MCM4: variants seen among roughly 807,000 people sequenced by gnomAD.
MCM4 encodes DNA replication licensing factor MCM4.
In MCM4, 60 loss-of-function variants were observed where a neutral mutation model predicts 88.7. The observed-to-expected ratio is 0.68, with a 90% confidence interval of 0.55 to 0.84. The LOEUF (loss-of-function observed/expected upper bound fraction) is 0.84, where lower values mean the gene tolerates loss of function less well. Among genes scored for constraint, MCM4 ranks in the 40% least tolerant of loss-of-function variants. MCM4 has a pLI of 0.00. For missense variants in MCM4, 1,149 were observed against 1,105.5 expected (o/e 1.04, Z -0.56); for synonymous variants, 465 against 410.5 (o/e 1.13, Z -1.61).
At chr8:47,962,659 T>C (rs2090855461) in intron 5 of MCM4, 105 bp from the exon 6 acceptor site, 1 of 754,898 alleles carries the variant, frequency 1.3e-6, no homozygotes, top group Non-Finnish European at 2.3e-6. Flanking sequence ...AAAATATTAT[T>C]TATTTCTGTC....
chr8:47,961,259 C>T (rs892045901), intron 2 of MCM4, 45 bp downstream of exon 2: 2 of 1,442,916 alleles, frequency 1.4e-6, no homozygotes, highest in Non-Finnish European at 1.8e-6. Context: ...GGCGCCGCCC[C>T]GTCTGCCCTC....
chr8:47,961,849 GT>G, intron 3 of MCM4, 169 bp downstream of exon 3: 1 of 999,466 alleles, frequency 1.0e-6, no homozygotes, highest in Non-Finnish European at 1.4e-6. Flanking sequence ...GAAAATAGTA[GT>G]TTTAGGGCTT....
chr8:47,961,607 G>C lies in MCM4; in HGVS notation c.162G>C (p.Ser54=), dbSNP rs760332992. 2 of 1,614,160 alleles carry C rather than the reference G, an allele frequency of 1.2e-6. No individual in the cohort carries two copies. Among genetic ancestry groups the C allele is most frequent in the Middle Eastern group, 1.7e-4 (1 of 6,056 alleles). The change falls in exon 3 of 17, where the codon TCG becomes TCC. Residue 54 remains serine, a synonymous_variant. Transcript: ENST00000649973. ...STGELQPMPT[S]PGVDLQSPAA... ...GGGAGTTGCAGCCGATGCCAACCTCGCCTGGAGTGGACCTGCAGAGCCCTG... is the reference window on the plus strand; with the variant it reads ...GGGAGTTGCAGCCGATGCCAACCTCCCCTGGAGTGGACCTGCAGAGCCCTG...
chr8:47,970,424 A>G (rs1196032393), intron 11 of MCM4, 87 bp from the exon 12 acceptor site: 1 of 1,465,476 alleles, frequency 6.8e-7, no homozygotes, highest in Non-Finnish European at 9.2e-7. Flanking sequence ...AGTTCTTTAT[A>G]AGAGAGAAAA....
intron 10 of MCM4, 177 bp from the exon 11 acceptor site, chr8:47,969,621 G>T (rs2090932566): frequency 1.6e-6 from 1 of 612,028 alleles, no homozygotes; most frequent in Non-Finnish European, 2.9e-6. Flanking sequence ...GCTTTGCAAT[G>T]TGGGCCTGAG....
At chr8:47,967,005 A>G (rs1002041417) in intron 9 of MCM4, among the ~76,000 whole-genome samples, 2 of 152,224 alleles carry the variant, frequency 1.3e-5, no homozygotes, top group African/African-American at 2.4e-5. Context: ...GCAGGAGCAC[A>G]TGGCCTCCTA....
rs929750911 is a variant in MCM4, at chr8:47,972,460, C to G, written c.1929-397C>G. Among the ~76,000 whole-genome samples the G allele has an allele frequency of 1.1e-4, 16 of 152,252 alleles. No individual in the cohort carries two copies. The East Asian group carries it at 3.1e-3, about 29-fold the overall frequency. On this transcript the variant is annotated intron_variant, in intron 13 of 16. Transcript: ENST00000649973. ...ATGGCGCTCACAGGGTGCACATTGA[C>G]TGCACATCTGTGGTGCTCAAGCAGT...
intron 9 of MCM4, 26 bp downstream of exon 9, chr8:47,966,433 G>A (rs1457148074): frequency 6.3e-7 from 1 of 1,575,412 alleles, no homozygotes; most frequent in Admixed American, 1.8e-5. Flanking sequence ...GGCCCCCCAG[G>A]CTATGCTTTG....
chr8:47,975,782 T>A lies in MCM4; in HGVS notation c.2433T>A (p.Ser811=), dbSNP rs760217666. ...AAGCATTGAAAAAGCTTATTTTATCTAAGGGCAAAACACCAGCTCTAAAAT... is the reference window on the plus strand; with the variant it reads ...AAGCATTGAAAAAGCTTATTTTATCAAAGGGCAAAACACCAGCTCTAAAAT... ...LAEALKKLIL[S]KGKTPALKYQ... Residue 811 remains serine, a synonymous_variant, in exon 16 of 17, where the codon TCT becomes TCA. Transcript: ENST00000649973. 1 of 1,589,104 alleles carries A rather than the reference T, an allele frequency of 6.3e-7. No individual in the cohort carries two copies. The highest frequency in any genetic ancestry group is 2.3e-5 in the East Asian group (1 of 43,288).
At chr8:47,962,486 C>T in intron 5 of MCM4, 80 bp downstream of exon 5, 7 of 1,428,356 alleles carry the variant, frequency 4.9e-6, no homozygotes, top group Non-Finnish European at 5.9e-6. Context: ...ATCTAAGTAG[C>T]CATAATGACT....
chr8:47,966,194 C>T lies in MCM4; in HGVS notation c.840C>T (p.Asp280=). 1 of 1,613,898 alleles carries T rather than the reference C, an allele frequency of 6.2e-7. No homozygotes were observed. Among genetic ancestry groups the T allele is most frequent in the Non-Finnish European group, 8.5e-7 (1 of 1,179,908 alleles). ...TCTCTTCTCCCCTCACAGACATTGA[C>T]CAGCTCATCACCATCAGCGGCATGG... ...NMRNLNPEDI[D]QLITISGMVI... Residue 280 remains aspartate, a synonymous_variant, in exon 9 of 17, where the codon GAC becomes GAT. Transcript: ENST00000649973.
chr8:47,972,498 G>A (rs565696535), intron 13 of MCM4, among the ~76,000 whole-genome samples: 27 of 152,194 alleles, frequency 1.8e-4, no homozygotes, highest in Non-Finnish European at 2.6e-4. Flanking sequence ...TTAGTACGTC[G>A]TTTGTAGGTG....
At chr8:47,966,067 G>C in intron 8 of MCM4, 120 bp from the exon 9 acceptor site, 1 of 737,278 alleles carries the variant, frequency 1.4e-6, no homozygotes, top group Non-Finnish European at 2.3e-6. Context: ...GCAGATGACT[G>C]GACACAGAAA....
In MCM4 at chr8:47,962,406, G is replaced by A; in HGVS notation, c.501G>A (p.Gln167=). The change falls in exon 5 of 17, where the codon CAG becomes CAA. Residue 167 remains glutamine, a splice_region_variant and synonymous_variant. Coordinates refer to ENST00000649973, the MANE Select transcript of MCM4 (RefSeq NM_182746.3). ...VNVAACKENF[Q]RFLQRFIDPL... is the part of the protein sequence containing the mutation. ...TGGCAGCATGCAAAGAAAACTTTCA[G>A]GTGAGCTACATGTATTAAAATTCTT... 6.2e-7 allele frequency: 1 copy of A among 1,614,060 alleles called. No individual in the cohort carries two copies. Among genetic ancestry groups the A allele is most frequent in the Non-Finnish European group, 8.5e-7 (1 of 1,179,924 alleles).
In MCM4 at chr8:47,966,247, A is replaced by C; in HGVS notation, c.893A>C (p.Glu298Ala). 2.5e-6 allele frequency: 4 copies of C among 1,613,976 alleles called. No homozygotes were observed. Among genetic ancestry groups the C allele is most frequent in the Non-Finnish European group, 3.4e-6 (4 of 1,179,994 alleles). The change falls in exon 9 of 17, where the codon GAG (glutamate) becomes GCG (alanine). Residue 298 changes from glutamate (E) to alanine (A), a missense_variant. Physicochemically the swap from Glu to Ala is moderately radical, Grantham distance 107 (BLOSUM62 -1). Transcript: ENST00000649973. ...MVIRTSQLIPEMQEAFFQCQV... is the reference protein window; with the variant it reads ...MVIRTSQLIPAMQEAFFQCQV... ...ATCAGGACATCCCAGCTGATTCCCG[A>C]GATGCAGGAGGCCTTCTTCCAGTGC...
intron 16 of MCM4, 65 bp downstream of exon 16, chr8:47,975,913 G>GT (rs1199037846): frequency 1.0e-5 from 12 of 1,176,672 alleles, no homozygotes; most frequent in Non-Finnish European, 1.2e-5. Context: ...TTGCTTTTGG[G>GT]TTTTTTTCCT....
Position 47,974,785 on chromosome 8 carries a change from T to C in MCM4, c.2188T>C (p.Tyr730His), listed in dbSNP as rs199860681. ...IGSSRGMVSA[Y>H]PRQLESLIRL... The stretch of plus-strand genomic sequence containing the variant: ...CAGTAGCCGGGGAATGGTTTCTGCA[T>C]ACCCTCGACAGCTAGAGTCATTAAT... Residue 730 changes from tyrosine (Y) to histidine (H), a missense_variant, in exon 15 of 17, where the codon TAC becomes CAC. By Grantham distance (83) the Tyr-to-His change is moderately conservative (BLOSUM62 2). Transcript: ENST00000649973. The C allele has an allele frequency of 6.8e-6, 11 of 1,614,234 alleles. No homozygotes were observed. The highest frequency in any genetic ancestry group is 1.7e-5 in the Admixed American group (1 of 60,024).
rs778667944 is a variant in MCM4, at chr8:47,962,327, C to G, written c.422C>G (p.Ala141Gly). ...SDGAAAEDIV[A>G]SEQSLGQKLV... ...TAGGCAGCAGCAGAAGATATAGTGG[C>G]AAGTGAGCAGTCTCTAGGCCAAAAA... Residue 141 changes from alanine (A) to glycine (G), a missense_variant, in exon 5 of 17, where the codon GCA becomes GGA. Coordinates refer to ENST00000649973, the MANE Select transcript of MCM4 (RefSeq NM_182746.3). The G allele has an allele frequency of 2.5e-6, 4 of 1,614,176 alleles. No homozygotes were observed. The East Asian group carries it at 6.7e-5, about 27-fold the overall frequency.
Position 47,970,892 on chromosome 8 carries a change from C to T in MCM4, c.1800+16C>T. The T allele has an allele frequency of 1.9e-6, 3 of 1,567,398 alleles. No individual in the cohort carries two copies. The highest frequency in any genetic ancestry group is 2.6e-6 in the Non-Finnish European group (3 of 1,154,032). The stretch of plus-strand genomic sequence containing the variant: ...CATTGCAAAGGTGAGTCGCCTTCTC[C>T]ACCGTGAACATGGACGTGTTTAAAA... On this transcript the variant is annotated intron_variant, in intron 12 of 16. Coordinates refer to ENST00000649973, the MANE Select transcript of MCM4 (RefSeq NM_182746.3).
Sources: gnomAD v4.1 joint callset for allele counts (sites outside exome capture counted in the v4.1 genomes callset) on GRCh38, gnomAD v4.1.1 for gene constraint, MANE v1.5 for transcripts, NCBI Gene and HGNC (gene_info 2026-07-23, HGNC 2026-07-21) for gene names.